The following FRMD4B variants were observed in gnomAD, a reference collection of about 807,000 sequenced individuals.
FRMD4B encodes the protein FERM domain-containing protein 4B.
Under a neutral mutation model 141.5 loss-of-function variants are expected in FRMD4B, and 74 were observed. The observed-to-expected ratio is 0.52, with a 90% CI of 0.43 to 0.63. FRMD4B has a LOEUF of 0.63. Ranked by LOEUF, FRMD4B falls within the 30% of genes least tolerant of loss-of-function variation. The probability of loss-of-function intolerance (pLI) is 0.00; values close to 1 mark genes in which losing one functional copy is unlikely to be tolerated. For missense variants in FRMD4B, 1,366 were observed against 1,253.4 expected, an observed-to-expected ratio of 1.09 and a Z score of -1.36; for synonymous variants, 506 against 467.9, an observed-to-expected ratio of 1.08 and a Z score of -1.05.
At chr3:69,478,471 T>G (rs953250043) in intron 1 of FRMD4B, among the ~76,000 whole-genome samples, 1 of 152,212 alleles carries the variant, frequency 6.6e-6, no homozygotes, top group African/African-American at 2.4e-5. Context: ...TACCCAGTAG[T>G]CATTCAGGAG....
intron 7 of FRMD4B, among the ~76,000 whole-genome samples, chr3:69,231,230 G>A (rs2093303111): frequency 6.6e-6 from 1 of 152,202 alleles, no homozygotes; most frequent in Admixed American, 6.5e-5. Flanking sequence ...ACAGTGGGGG[G>A]CAGGAGGCTT....
chr3:69,440,813 A>C (rs1705331171), intron 1 of FRMD4B, among the ~76,000 whole-genome samples: 1 of 152,200 alleles, frequency 6.6e-6, no homozygotes, highest in African/African-American at 2.4e-5. Context: ...CTGTCAAAAA[A>C]AAAAATTCTT....
intron 10 of FRMD4B, among the ~76,000 whole-genome samples, chr3:69,217,019 A>C (rs2093147020): frequency 6.6e-6 from 1 of 152,078 alleles, no homozygotes; most frequent in Admixed American, 6.6e-5. Context: ...TTAATTAGTA[A>C]CCAGTTATAA....
At chr3:69,483,517 C>T (rs1706164300) in intron 1 of FRMD4B, among the ~76,000 whole-genome samples, 1 of 152,144 alleles carries the variant, frequency 6.6e-6, no homozygotes. Context: ...TAATGAAAAG[C>T]TTAAAATGGA....
At chr3:69,462,547 C>A (rs1483657403) in intron 1 of FRMD4B, among the ~76,000 whole-genome samples, 1 of 152,194 alleles carries the variant, frequency 6.6e-6, no homozygotes, top group Non-Finnish European at 1.5e-5. Flanking sequence ...AGTCACTTGC[C>A]CAAAGCTACA....
rs1318722060 is a variant in FRMD4B at position 69,363,010 on chromosome 3, AC to A, written c.162+22817del. Among the ~76,000 whole-genome samples, 169 of 151,784 alleles carry A rather than the reference AC, an allele frequency of 1.1e-3. 2 individuals carry two copies. Among genetic ancestry groups the A allele is most frequent in the African/African-American group, 3.8e-3 (158 of 41,492 alleles). ...TTTACAGTAAAAAAAAAAAAAACAA[AC>A]AAAAAGTGAAAATAACTTTAATAAT... On this transcript the variant is annotated intron_variant, in intron 1 of 22. Transcript: ENST00000398540.
chr3:69,228,188 G>A (rs532933792), intron 7 of FRMD4B, among the ~76,000 whole-genome samples: 1 of 152,180 alleles, frequency 6.6e-6, no homozygotes, highest in African/African-American at 2.4e-5. Context: ...GGATGATCCT[G>A]CCCAAAATGT....
intron 11 of FRMD4B, among the ~76,000 whole-genome samples, chr3:69,205,270 C>T (rs950344437): frequency 6.6e-6 from 1 of 151,476 alleles, no homozygotes; most frequent in Non-Finnish European, 1.5e-5. Flanking sequence ...CTCGGGCTCG[C>T]GATCCTCTGA....
chr3:69,380,258 A>C (rs889250909), intron 1 of FRMD4B, among the ~76,000 whole-genome samples: 1 of 152,216 alleles, frequency 6.6e-6, no homozygotes, highest in Non-Finnish European at 1.5e-5. Context: ...TCCACCCCAC[A>C]CACGCTGCTG....
intron 5 of FRMD4B, among the ~76,000 whole-genome samples, chr3:69,274,279 A>G (rs2106948898): frequency 6.6e-6 from 1 of 152,264 alleles, no homozygotes; most frequent in East Asian, 1.9e-4. Flanking sequence ...TAACTCATCC[A>G]TTGAGGTAGA....
At chr3:69,490,204 A>G (rs1157909034) in intron 1 of FRMD4B, among the ~76,000 whole-genome samples, 2 of 152,234 alleles carry the variant, frequency 1.3e-5, no homozygotes, top group Admixed American at 1.3e-4. Flanking sequence ...TATTTTAAAC[A>G]TGAACAAACA....
At chr3:69,436,583 A>T (rs1196969548) in intron 1 of FRMD4B, among the ~76,000 whole-genome samples, 3 of 152,206 alleles carry the variant, frequency 2.0e-5, no homozygotes, top group Non-Finnish European at 4.4e-5. Context: ...CAGCAATTCC[A>T]TCTCTGGGCA....
In FRMD4B at chr3:69,308,915, C is replaced by T. The variant is rs559442264; in HGVS notation, c.323+2348G>A. On this transcript the variant is annotated intron_variant, in intron 3 of 22. Coordinates refer to ENST00000398540, the MANE Select transcript of FRMD4B (RefSeq NM_015123.3). ...TAGCCCACCCTGTCTAAAACTGAACCCAAGTTTTCTTGGTCATGGCCTTTT... is the reference window on the plus strand; with the variant it reads ...TAGCCCACCCTGTCTAAAACTGAACTCAAGTTTTCTTGGTCATGGCCTTTT... 1.1e-4 allele frequency among the ~76,000 whole-genome samples: 16 copies of T among 152,212 alleles called. No individual in the cohort carries two copies. In the South Asian group the frequency reaches 3.3e-3, roughly 32 times the overall value.
intron 5 of FRMD4B, among the ~76,000 whole-genome samples, chr3:69,254,977 T>A (rs140283580): frequency 6.6e-5 from 10 of 152,000 alleles, no homozygotes; most frequent in African/African-American, 2.2e-4. Context: ...ATGATGAATA[T>A]GAAAAAAGAG....
At chr3:69,211,023 GAAAAAA>G (rs541259572) in intron 11 of FRMD4B, among the ~76,000 whole-genome samples, 2 of 85,838 alleles carry the variant, frequency 2.3e-5, no homozygotes, top group African/African-American at 4.6e-5. Flanking sequence ...ATGCCATCTC[GAAAAAA>G]AAAAAAAAAA....
chr3:69,324,508 T>C (rs1256179549), intron 1 of FRMD4B, among the ~76,000 whole-genome samples: 1 of 152,208 alleles, frequency 6.6e-6, no homozygotes, highest in Non-Finnish European at 1.5e-5. Context: ...AGCATAGTCC[T>C]GGGCACTATA....
At chr3:69,335,982 C>CA (rs1259356849) in intron 1 of FRMD4B, among the ~76,000 whole-genome samples, 1 of 152,116 alleles carries the variant, frequency 6.6e-6, no homozygotes, top group Non-Finnish European at 1.5e-5. Context: ...CTCAGCATCC[C>CA]AAAGTGCTAG....
At chr3:69,255,308 T>C (rs2093485904) in intron 5 of FRMD4B, among the ~76,000 whole-genome samples, 1 of 152,192 alleles carries the variant, frequency 6.6e-6, no homozygotes, top group Non-Finnish European at 1.5e-5. Context: ...ACTGGTAAAT[T>C]TGGCTTGGCA....
intron 1 of FRMD4B, among the ~76,000 whole-genome samples, chr3:69,483,326 T>A (rs1706161832): frequency 6.6e-6 from 1 of 152,230 alleles, no homozygotes; most frequent in Admixed American, 6.5e-5. Context: ...TTAAAATAAA[T>A]CTTAAGAGCT....
Sources: gnomAD v4.1 joint callset for allele counts (sites outside exome capture counted in the v4.1 genomes callset) on GRCh38, gnomAD v4.1.1 for gene constraint, MANE v1.5 for transcripts, NCBI Gene and HGNC (gene_info 2026-07-23, HGNC 2026-07-21) for gene names.